Variants in TNRC6C observed in about 807,000 individuals in gnomAD.
TNRC6C encodes trinucleotide repeat containing adaptor 6C.
TNRC6C carries 20 observed loss-of-function variants against 153.7 expected under a neutral mutation model. The ratio of observed to expected loss-of-function variants is 0.13; its 90% CI spans 0.09 to 0.19. The LOEUF (loss-of-function observed/expected upper bound fraction) is 0.19, where lower values mean the gene tolerates loss of function less well. Ranked by LOEUF, TNRC6C falls within the 10% of genes least tolerant of loss-of-function variation. TNRC6C has a pLI of 1.00. For missense variants in TNRC6C, 1,987 were observed against 2,172.0 expected, an observed-to-expected ratio of 0.91 and a Z score of 1.69; for synonymous variants, 811 against 841.4, an observed-to-expected ratio of 0.96 and a Z score of 0.63.
In TNRC6C at chr17:78,049,219, G is replaced by A. The variant is rs1371897597; in HGVS notation, c.157G>A (p.Gly53Ser). The change falls in exon 3 of 20, where the codon GGT (glycine) becomes AGT (serine). Residue 53 changes from glycine (G) to serine (S), a missense_variant. This residue lies in a region of TNRC6C where 1,052 missense variants were observed against 1,017.0 expected (regional missense o/e 1.03). Transcript: ENST00000301624. The surrounding 1 kb of genome is among the most constrained non-coding windows in gnomAD (Gnocchi z 4.1). ...TAATGGAAGTGCGGCCAGAGTGTGG[G>A]GTGTAGCCACAGGCTCCAGCTCTGG... 1 of 1,612,724 alleles carries A rather than the reference G, an allele frequency of 6.2e-7. No individual in the cohort carries two copies. The highest frequency in any genetic ancestry group is 1.1e-5 in the South Asian group (1 of 90,778).
chr17:78,101,326 C>T (rs1359927076), intron 17 of TNRC6C, among the ~76,000 whole-genome samples: 1 of 152,232 alleles, frequency 6.6e-6, no homozygotes, highest in Non-Finnish European at 1.5e-5. Flanking sequence ...GAGACCGCTG[C>T]AGCCTGGACT....
intron 3 of TNRC6C, among the ~76,000 whole-genome samples, chr17:78,060,182 T>C (rs1160239368): frequency 2.0e-5 from 3 of 152,202 alleles, no homozygotes; most frequent in Non-Finnish European, 4.4e-5. Context: ...CATCTGACTG[T>C]ACTCTTGTAT....
chr17:78,047,904 C>T (rs2072441773), intron 2 of TNRC6C, among the ~76,000 whole-genome samples: 1 of 152,062 alleles, frequency 6.6e-6, no homozygotes, highest in East Asian at 1.9e-4. Context: ...TGGAAATACT[C>T]AAATAATTGT....
At chr17:78,020,227 ATAGCAT>A (rs1217247406) in intron 1 of TNRC6C, among the ~76,000 whole-genome samples, 2 of 152,360 alleles carry the variant, frequency 1.3e-5, no homozygotes, top group African/African-American at 4.8e-5. Context: ...ACTACCAGCC[ATAGCAT>A]TAGCATTGCA....
chr17:78,038,417 T>C (rs2143814023), intron 2 of TNRC6C, among the ~76,000 whole-genome samples: 1 of 152,188 alleles, frequency 6.6e-6, no homozygotes, highest in Middle Eastern at 3.4e-3. Flanking sequence ...CTCACGCATG[T>C]AATCCCAGCA....
chr17:78,083,098 G>A, exon 11 of TNRC6C: 1 of 1,613,982 alleles, frequency 6.2e-7, no homozygotes, highest in Non-Finnish European at 8.5e-7. Flanking sequence ...TCTCAACCCT[G>A]CACTATTAAC....
At chr17:77,973,373 A>G (rs930797386) in intron 1 of TNRC6C, among the ~76,000 whole-genome samples, 1 of 152,222 alleles carries the variant, frequency 6.6e-6, no homozygotes, top group Non-Finnish European at 1.5e-5. Context: ...GAAAAACCAT[A>G]CAAAACACAG....
At chr17:77,984,073 C>T (rs1254893157) in intron 1 of TNRC6C, among the ~76,000 whole-genome samples, 1 of 152,156 alleles carries the variant, frequency 6.6e-6, no homozygotes, top group Non-Finnish European at 1.5e-5. Flanking sequence ...TATTGTTGCT[C>T]AGTTCCCAGT....
At chr17:78,041,239 G>T (rs374635280) in intron 2 of TNRC6C, 1 of 152,236 alleles carries the variant, frequency 6.6e-6, no homozygotes, top group Admixed American at 6.5e-5. Context: ...GTGGTAGCCC[G>T]GCGTCCCTAA....
chr17:78,072,652 G>A (rs1383339503), intron 6 of TNRC6C, among the ~76,000 whole-genome samples: 1 of 152,188 alleles, frequency 6.6e-6, no homozygotes, highest in African/African-American at 2.4e-5. Context: ...GGAGCCCAAG[G>A]CAGGAGAACC....
intron 11 of TNRC6C, among the ~76,000 whole-genome samples, chr17:78,085,310 T>C (rs1243238510): frequency 6.6e-6 from 1 of 152,202 alleles, no homozygotes; most frequent in African/African-American, 2.4e-5. Context: ...TTTAAAACAA[T>C]GTATTCTGTT....
In TNRC6C at chr17:78,008,366, C is replaced by G. The variant is rs562869055; in HGVS notation, c.-546+3287C>G. The G allele has an allele frequency of 6.6e-5, 10 of 152,286 alleles. 1 individual carries two copies. The highest frequency in any genetic ancestry group is 1.3e-4 in the Admixed American group (2 of 15,302). 9.4% of individuals were successfully genotyped at this position (152,286 alleles called of 1,614,324 possible). Reference sequence around the variant, plus strand: ...ACCTGTGATATCTTTGGGTCATTTTCTTTTTAAGATTCAGGCCAAGTGAGT... The same window carrying G: ...ACCTGTGATATCTTTGGGTCATTTTGTTTTTAAGATTCAGGCCAAGTGAGT... On this transcript the variant is annotated intron_variant, in intron 1 of 19. Transcript: ENST00000301624.
intron 1 of TNRC6C, among the ~76,000 whole-genome samples, chr17:77,971,365 G>A (rs759594072): frequency 3.3e-5 from 5 of 152,232 alleles, no homozygotes; most frequent in Non-Finnish European, 5.9e-5. Context: ...CTTCTCTCAT[G>A]ATAAACTTTC....
chr17:77,992,900 C>T (rs984389086), intron 1 of TNRC6C, among the ~76,000 whole-genome samples: 23 of 152,048 alleles, frequency 1.5e-4, no homozygotes, highest in Admixed American at 1.4e-3. Flanking sequence ...CCTCTGAGTA[C>T]GTGTTAATCC....
chr17:77,983,260 A>G (rs1194275986), intron 1 of TNRC6C, among the ~76,000 whole-genome samples: 1 of 152,210 alleles, frequency 6.6e-6, no homozygotes, highest in Admixed American at 6.5e-5. Context: ...AGGGAATGTT[A>G]CTACCAGAGG....
chr17:78,000,346 G>C (rs1200571202), upstream of TNRC6C, among the ~76,000 whole-genome samples: 2 of 152,072 alleles, frequency 1.3e-5, no homozygotes, highest in African/African-American at 4.8e-5. Context: ...AGACTATTTT[G>C]TCTTATCCTT....
At chr17:77,959,083 G>GCGC (rs1027535327), upstream of TNRC6C, among the ~76,000 whole-genome samples, 1 of 142,166 alleles carries the variant, frequency 7.0e-6, no homozygotes, top group East Asian at 2.1e-4. Context: ...CCACTCGCCC[G>GCGC]CGCCGCCGCC....
intron 1 of TNRC6C, among the ~76,000 whole-genome samples, chr17:77,986,354 G>A (rs2071167568): frequency 6.6e-6 from 1 of 151,262 alleles, no homozygotes; most frequent in Non-Finnish European, 1.5e-5. Flanking sequence ...GACAGGTTGT[G>A]GTGAGCCGAG....
chr17:77,966,874 A>C (rs1279793842), intron 1 of TNRC6C, among the ~76,000 whole-genome samples: 9 of 152,342 alleles, frequency 5.9e-5, no homozygotes, highest in African/African-American at 2.2e-4. Context: ...TGTTGACAGG[A>C]AAGAAGAGAA....
Sources: gnomAD v4.1 joint callset for allele counts (sites outside exome capture counted in the v4.1 genomes callset) on GRCh38, gnomAD v4.1.1 for gene constraint, gnomAD v4.1.1 regional missense constraint, Gnocchi (gnomAD v3.1) non-coding constraint, MANE v1.5 for transcripts, NCBI Gene and HGNC (gene_info 2026-07-23, HGNC 2026-07-21) for gene names.